The following ATP7A variants were observed in gnomAD, a reference collection of about 807,000 sequenced individuals.
ATP7A encodes the protein copper-transporting ATPase 1.
In ATP7A, 7 loss-of-function variants were observed where a neutral mutation model predicts 83.5. The observed-to-expected ratio is 0.08, with a 90% CI of 0.05 to 0.16. The LOEUF (loss-of-function observed/expected upper bound fraction) is 0.16. Ranked by LOEUF, ATP7A falls within the 10% of genes least tolerant of loss-of-function variation. The probability of loss-of-function intolerance (pLI) is 1.00; values close to 1 mark genes in which losing one functional copy is unlikely to be tolerated. For missense variants in ATP7A, 940 were observed against 1,120.8 expected, an observed-to-expected ratio of 0.84 and a Z score of 2.30; for synonymous variants, 354 against 395.2, an observed-to-expected ratio of 0.90 and a Z score of 1.24.
chrX:77,946,455 G>A lies in ATP7A; in HGVS notation c.-21-25166G>A, dbSNP rs1177794497. Among the ~76,000 whole-genome samples, 7 of 110,493 alleles carry A rather than the reference G, an allele frequency of 6.3e-5. No homozygotes were observed. In the Admixed American group the frequency reaches 6.8e-4, roughly 11 times the overall value. ...AGTTATTGTACTAACCTATTAAGCT[G>A]ATTGTTCATGAAATAGAAATCAAAG... On this transcript the variant is annotated intron_variant, in intron 1 of 22. Transcript: ENST00000341514.
intron 2 of ATP7A, among the ~76,000 whole-genome samples, chrX:77,972,107 C>A (rs782307320): frequency 9.0e-6 from 1 of 111,225 alleles, no homozygotes; most frequent in South Asian, 3.8e-4. Context: ...TTAGGGTTTT[C>A]TTTTTCTTTT....
intron 1 of ATP7A, among the ~76,000 whole-genome samples, chrX:77,960,073 T>G (rs914328105): frequency 8.9e-6 from 1 of 112,068 alleles, no homozygotes. Context: ...ATTGTGCAGA[T>G]AGAGTTGTAT....
chrX:78,025,447 A>C (rs1006384166), intron 14 of ATP7A, among the ~76,000 whole-genome samples: 7 of 111,962 alleles, frequency 6.3e-5, no homozygotes, highest in Admixed American at 3.8e-4. Flanking sequence ...ATGAGATCCA[A>C]ATGAAAGTTG....
At chrX:77,981,901 A>G (rs570038235) in intron 2 of ATP7A, among the ~76,000 whole-genome samples, 5 of 111,697 alleles carry the variant, frequency 4.5e-5, no homozygotes, top group African/African-American at 1.6e-4. Context: ...TTAAAGTGAT[A>G]ACCTTTATTT....
chrX:78,015,909 A>G, intron 12 of ATP7A, 28 bp downstream of exon 12: 1 of 1,206,685 alleles, frequency 8.3e-7, no homozygotes, highest in Non-Finnish European at 1.1e-6. Flanking sequence ...ATCATGACCA[A>G]AATGTTAAGA....
intron 1 of ATP7A, among the ~76,000 whole-genome samples, chrX:77,947,658 G>T (rs1557226304): frequency 9.2e-6 from 1 of 108,355 alleles, no homozygotes; most frequent in African/African-American, 3.4e-5. Flanking sequence ...GGCTGGTCTC[G>T]AACTCCTGAC....
At chrX:78,026,299 A>C (rs1189251055) in intron 14 of ATP7A, among the ~76,000 whole-genome samples, 3 of 112,101 alleles carry the variant, frequency 2.7e-5, no homozygotes, top group Non-Finnish European at 3.8e-5. Context: ...ATTACATAAA[A>C]CAGAGTTTAA....
intron 5 of ATP7A, among the ~76,000 whole-genome samples, chrX:78,001,872 T>G (rs782677053): frequency 9.0e-6 from 1 of 111,227 alleles, no homozygotes; most frequent in Non-Finnish European, 1.9e-5. Flanking sequence ...TGCCATAAAA[T>G]GAACTCCTTT....
At position 78,011,238 on chromosome X, in the gene ATP7A, A is replaced by G. The variant is rs782075151; in HGVS notation, c.1932A>G (p.Lys644=). The change falls in exon 8 of 23, where the codon AAA becomes AAG. Residue 644 remains lysine (K), a synonymous_variant. Transcript: ENST00000341514. ...GGTCAGCAAGTCACTTAGATCATAA[A>G]CGAGAAATAAGACAGTAAGTACTTT... is the stretch of plus-strand genomic sequence containing the variant. ...KDRSASHLDH[K]REIRQWRRSF... The G allele has an allele frequency of 8.3e-7, 1 of 1,208,799 alleles. No homozygotes were observed. The highest frequency in any genetic ancestry group is 2.2e-5 in the Admixed American group (1 of 45,961).
chrX:78,041,301 G>A (rs1557238361), intron 19 of ATP7A, among the ~76,000 whole-genome samples: 1 of 109,425 alleles, frequency 9.1e-6, no homozygotes, highest in Non-Finnish European at 1.9e-5. Flanking sequence ...TTGGGACGGA[G>A]TTTCGCTCTT....
chrX:78,003,129 C>T lies in ATP7A; in HGVS notation c.1600C>T (p.Pro534Ser), dbSNP rs2077751796. 1 of 1,205,982 alleles carries T rather than the reference C, an allele frequency of 8.3e-7. No homozygotes were observed. The highest frequency in any genetic ancestry group is 1.1e-6 in the Non-Finnish European group (1 of 891,987). The change falls in exon 6 of 23, where the codon CCT becomes TCT. Residue 534 changes from proline to serine, a missense_variant. Around this residue, in one of 3 missense-constraint regions of ATP7A, gnomAD observed 350 missense variants for 432.8 expected, o/e 0.81. Coordinates refer to ENST00000341514, the MANE Select transcript of ATP7A (RefSeq NM_000052.7). ...TGGCAAGGCAGAAGTAAGGTATAAT[C>T]CTGCTGTTATACAACCCCCAATGAT... ...MAGKAEVRYN[P>S]AVIQPPMIAE...
intron 12 of ATP7A, among the ~76,000 whole-genome samples, chrX:78,016,831 C>T (rs1557235213): frequency 8.9e-6 from 1 of 112,389 alleles, no homozygotes; most frequent in African/African-American, 3.2e-5. Context: ...CAGGGTACAG[C>T]CCCTGCCACT....
intron 1 of ATP7A, among the ~76,000 whole-genome samples, chrX:77,952,193 C>T (rs1368270891): frequency 8.9e-6 from 1 of 112,216 alleles, no homozygotes; most frequent in Non-Finnish European, 1.9e-5. Context: ...CATAAGTTTT[C>T]AACTGTTGTG....
intron 17 of ATP7A, among the ~76,000 whole-genome samples, chrX:78,036,242 TA>T (rs1557237725): frequency 9.0e-6 from 1 of 110,786 alleles, no homozygotes; most frequent in Non-Finnish European, 1.9e-5. Flanking sequence ...GCAAGGGGCA[TA>T]GGGGTGCTGG....
At chrX:78,024,095 C>G (rs781934912) in intron 14 of ATP7A, among the ~76,000 whole-genome samples, 1 of 111,235 alleles carries the variant, frequency 9.0e-6, no homozygotes, top group Admixed American at 9.6e-5. Flanking sequence ...TGTTGAAGAC[C>G]AGTTGGTTGT....
chrX:77,942,438 C>CT lies in ATP7A; in HGVS notation c.-21-29173dup, dbSNP rs1269583314. ...TTTTCCTCAACCAGTTTAGGAACTC[C>CT]TTTTTTTTTTGCGGGGGGGGTAGGG... On this transcript the variant is annotated intron_variant, in intron 1 of 22. Transcript: ENST00000341514. Among the ~76,000 whole-genome samples, 150 of 103,170 alleles carry CT rather than the reference C, an allele frequency of 1.5e-3. 2 individuals are homozygous for CT. The East Asian group carries it at 0.03, about 20-fold the overall frequency. 89.6% of individuals were successfully genotyped at this position (103,170 alleles called of 115,157 possible). A position where few individuals can be genotyped will look rare whatever the true frequency, so the allele number is the denominator to read the frequency against.
chrX:77,929,479 A>T (rs2077260065), intron 1 of ATP7A, among the ~76,000 whole-genome samples: 1 of 111,661 alleles, frequency 9.0e-6, no homozygotes. Flanking sequence ...TCATTCATTA[A>T]CTTATTTGTA....
chrX:77,919,732 C>T (rs1557222901), intron 1 of ATP7A, among the ~76,000 whole-genome samples: 2 of 112,594 alleles, frequency 1.8e-5, no homozygotes, highest in African/African-American at 6.5e-5. Flanking sequence ...AAATGATCCA[C>T]CCGCCTTGGC....
rs1201976373 is a variant in ATP7A at position 78,049,646 on chromosome X, C to G, written c.*3076C>G. ...ACATTTTAGAATGTCAAATTTGATG[C>G]CTTGTGAACAAGTAATTTTATATTG... On this transcript the variant is annotated 3_prime_UTR_variant, in exon 23 of 23. Coordinates refer to ENST00000341514, the MANE Select transcript of ATP7A (RefSeq NM_000052.7). 4 of 112,228 alleles carry G rather than the reference C, an allele frequency of 3.6e-5. No individual in the cohort carries two copies. The highest frequency in any genetic ancestry group is 7.5e-5 in the Non-Finnish European group (4 of 53,058). The allele number at this position is 112,228 out of a possible 1,213,427, so 9.2% of individuals were successfully genotyped here.
Sources: allele counts gnomAD v4.1 joint callset (sites outside exome capture counted in the v4.1 genomes callset), GRCh38; gene constraint gnomAD v4.1.1; regional missense constraint gnomAD v4.1.1; transcripts MANE v1.5; gene names NCBI Gene and HGNC (gene_info 2026-07-23, HGNC 2026-07-21).